BRSK2: variants seen among roughly 807,000 people sequenced by gnomAD.
BRSK2 encodes the protein BR serine/threonine kinase 2.
A neutral mutation model predicts 83.3 loss-of-function variants in BRSK2; 19 were observed. The observed-to-expected ratio is 0.23, with a 90% confidence interval of 0.16 to 0.33. The LOEUF (loss-of-function observed/expected upper bound fraction) is 0.33, where lower values mean the gene tolerates loss of function less well. BRSK2 is among the 10% of genes least tolerant of loss of function. The pLI is 1.00. For missense variants in BRSK2, 798 were observed against 1,042.3 expected (o/e 0.77, Z 3.23); for synonymous variants, 519 against 435.4 (o/e 1.19, Z -2.39).
At chr11:1,426,264 CCGGGGA>C (rs1414352730) in intron 1 of BRSK2, among the ~76,000 whole-genome samples, 10 of 148,418 alleles carry the variant, frequency 6.7e-5, no homozygotes, top group Admixed American at 3.3e-4. Flanking sequence ...GGGGCGTGCT[CCGGGGA>C]TGTGTGTGGG....
chr11:1,421,209 C>T (rs1370711471), intron 1 of BRSK2, among the ~76,000 whole-genome samples: 1 of 152,170 alleles, frequency 6.6e-6, no homozygotes, highest in East Asian at 1.9e-4. Context: ...TTAATCTTCA[C>T]CCCCCAGGAC....
intron 8 of BRSK2, among the ~76,000 whole-genome samples, chr11:1,444,707 G>A (rs1196386911): frequency 2.0e-5 from 2 of 100,848 alleles, no homozygotes; most frequent in Non-Finnish European, 4.0e-5. Flanking sequence ...CACCCCCTCC[G>A]ACTCCAGCTC....
intron 1 of BRSK2, among the ~76,000 whole-genome samples, chr11:1,403,669 T>C (rs1385715169): frequency 6.6e-6 from 1 of 152,164 alleles, no homozygotes; most frequent in Non-Finnish European, 1.5e-5. Context: ...CTTAGGTCCC[T>C]CACCTGCTGG....
chr11:1,417,658 A>T (rs1848234579), intron 1 of BRSK2, among the ~76,000 whole-genome samples: 1 of 129,816 alleles, frequency 7.7e-6, no homozygotes, highest in Non-Finnish European at 1.6e-5. Context: ...TCTTCTCTTG[A>T]GAGTGGGTCA....
intron 1 of BRSK2, among the ~76,000 whole-genome samples, chr11:1,433,530 G>A (rs913671523): frequency 6.6e-6 from 1 of 152,270 alleles, no homozygotes; most frequent in Admixed American, 6.5e-5. Context: ...TTTTGTCACG[G>A]ACCACGCCTT....
In BRSK2 at chr11:1,460,752, A is replaced by G. The variant is rs1212075251; in HGVS notation, c.*29A>G. ...CACTAGCCCCCCCCCCCAGCACAGC[A>G]CTGACAGCGGCTGCCTCGCCGCCCG... On this transcript the variant is annotated 3_prime_UTR_variant, in exon 20 of 20. Coordinates refer to ENST00000528841, the MANE Select transcript of BRSK2 (RefSeq NM_001256627.2). 1.8e-6 allele frequency: 2 copies of G among 1,132,446 alleles called. No individual in the cohort carries two copies. The highest frequency in any genetic ancestry group is 8.0e-5 in the East Asian group (2 of 24,874). 70.1% of individuals were successfully genotyped at this position (1,132,446 alleles called of 1,614,324 possible). A position where few individuals can be genotyped will look rare whatever the true frequency, so the allele number is the denominator to read the frequency against.
intron 15 of BRSK2, among the ~76,000 whole-genome samples, chr11:1,452,191 C>G (rs138421823): frequency 1.3e-5 from 2 of 152,330 alleles, no homozygotes; most frequent in African/African-American, 2.4e-5. Flanking sequence ...AACCTTCGTC[C>G]TGCTGCTGGC....
At chr11:1,410,436 G>C in intron 1 of BRSK2, 3 of 985,542 alleles carry the variant, frequency 3.0e-6, no homozygotes, top group Non-Finnish European at 3.6e-6. Context: ...CAGTTGCAGA[G>C]TCCGTGTTTG....
In BRSK2 at chr11:1,438,190, C is replaced by T. The variant is rs1850601894; in HGVS notation, c.187-116C>T. 1 of 899,414 alleles carries T rather than the reference C, an allele frequency of 1.1e-6. No individual in the cohort carries two copies. The highest frequency in any genetic ancestry group is 1.7e-5 in the African/African-American group (1 of 58,240). The allele number at this position is 899,414 out of a possible 1,614,324, so 55.7% of individuals were successfully genotyped here. On this transcript the variant is annotated intron_variant, in intron 2 of 19. Coordinates refer to ENST00000528841, the MANE Select transcript of BRSK2 (RefSeq NM_001256627.2). This position sits in a 1 kb window ranked among gnomAD's most constrained non-coding sequence, Gnocchi z 6.4. ...GCACCAAAGGCCCCTGCGACCCCCA[C>T]AGCTGGCACCAAAGGCCCCTGCGAC...
intron 1 of BRSK2, among the ~76,000 whole-genome samples, chr11:1,417,168 T>A (rs936306023): frequency 7.2e-5 from 11 of 151,930 alleles, no homozygotes; most frequent in Admixed American, 2.0e-4. Context: ...CAGAAAAAAA[T>A]AAAAATAAAA....
chr11:1,408,665 C>T (rs569906220), intron 1 of BRSK2, among the ~76,000 whole-genome samples: 3 of 152,184 alleles, frequency 2.0e-5, no homozygotes. Context: ...GAACCCTCCC[C>T]GCTGGTCCTT....
intron 15 of BRSK2, among the ~76,000 whole-genome samples, chr11:1,452,076 G>C (rs562032583): frequency 6.6e-6 from 1 of 152,340 alleles, no homozygotes; most frequent in Admixed American, 6.5e-5. Flanking sequence ...CCTGCAGCGT[G>C]ACCCCAGGCC....
At chr11:1,422,074 C>T (rs902025479) in intron 1 of BRSK2, among the ~76,000 whole-genome samples, 6 of 152,076 alleles carry the variant, frequency 3.9e-5, no homozygotes, top group African/African-American at 9.7e-5. Context: ...GCTGCATCAT[C>T]GGGTGTATTC....
chr11:1,433,703 G>T (rs1468976252), intron 1 of BRSK2, among the ~76,000 whole-genome samples: 2 of 152,250 alleles, frequency 1.3e-5, no homozygotes, highest in African/African-American at 4.8e-5. Context: ...TGGATGAAGG[G>T]CTCTAGGCCC....
intron 13 of BRSK2, among the ~76,000 whole-genome samples, chr11:1,450,266 T>C (rs1845653492): frequency 1.4e-5 from 2 of 144,568 alleles, no homozygotes; most frequent in Admixed American, 6.8e-5. Context: ...CGAGCCGCCC[T>C]TCGTGGCCCG....
chr11:1,429,064 T>G (rs1158735039), intron 1 of BRSK2, among the ~76,000 whole-genome samples: 11 of 145,438 alleles, frequency 7.6e-5, no homozygotes, highest in Admixed American at 7.5e-4. Flanking sequence ...TACACAGGTG[T>G]GTGTGCATGG....
At chr11:1,414,192 T>C (rs1847855544) in intron 1 of BRSK2, among the ~76,000 whole-genome samples, 1 of 152,242 alleles carries the variant, frequency 6.6e-6, no homozygotes, top group Non-Finnish European at 1.5e-5. Flanking sequence ...ACCCCAAAGT[T>C]GCCATTGTCC....
intron 1 of BRSK2, among the ~76,000 whole-genome samples, chr11:1,406,863 C>T (rs1332292227): frequency 6.6e-6 from 1 of 152,168 alleles, no homozygotes; most frequent in Admixed American, 6.5e-5. Flanking sequence ...TGTGCATGTC[C>T]ATGTGCAGGT....
intron 8 of BRSK2, among the ~76,000 whole-genome samples, chr11:1,444,658 C>G (rs57478593): frequency 2.0e-5 from 3 of 151,894 alleles, no homozygotes; most frequent in African/African-American, 7.3e-5. Flanking sequence ...CTCCCTCCCC[C>G]TCTCCCTCCG....
Sources: gnomAD v4.1 joint callset for allele counts (sites outside exome capture counted in the v4.1 genomes callset) on GRCh38, gnomAD v4.1.1 for gene constraint, Gnocchi (gnomAD v3.1) non-coding constraint, MANE v1.5 for transcripts, NCBI Gene and HGNC (gene_info 2026-07-23, HGNC 2026-07-21) for gene names.